Variants in PCDHA10 observed in about 807,000 individuals in gnomAD.
PCDHA10 encodes the protein protocadherin alpha-10.
Under a neutral mutation model 61.2 loss-of-function variants are expected in PCDHA10, and 45 were observed. The observed-to-expected ratio is 0.74, with a 90% CI of 0.58 to 0.94. The LOEUF (loss-of-function observed/expected upper bound fraction) is 0.94. Ranked by LOEUF, PCDHA10 falls within the 40% of genes least tolerant of loss-of-function variation. PCDHA10 has a pLI of 0.00. For missense variants in PCDHA10, 1,278 were observed against 1,236.2 expected, an observed-to-expected ratio of 1.03 and a Z score of -0.51; for synonymous variants, 602 against 548.8, an observed-to-expected ratio of 1.10 and a Z score of -1.35.
intron 1 of PCDHA10, chr5:140,876,735 T>C (rs782576636): frequency 2.0e-5 from 33 of 1,614,084 alleles, no homozygotes; most frequent in Non-Finnish European, 2.7e-5. Context: ...TGTCGGCCTA[T>C]GAGCTGGTGG....
intron 1 of PCDHA10, chr5:140,884,124 G>C: frequency 6.2e-7 from 1 of 1,613,344 alleles, no homozygotes; most frequent in Non-Finnish European, 8.5e-7. Flanking sequence ...GTCGGCGCGC[G>C]CATCCCGTTC....
intron 1 of PCDHA10, among the ~76,000 whole-genome samples, chr5:140,921,258 G>C (rs537231615): frequency 6.6e-6 from 1 of 151,824 alleles, no homozygotes; most frequent in South Asian, 2.1e-4. Flanking sequence ...AAAAGTCCTA[G>C]ACTTTTATAC....
chr5:140,953,542 A>G (rs2094901319), intron 1 of PCDHA10, among the ~76,000 whole-genome samples: 1 of 152,080 alleles, frequency 6.6e-6, no homozygotes, highest in Admixed American at 6.6e-5. Flanking sequence ...CTTCATGCTG[A>G]TTCTTTTCTC....
chr5:140,965,435 T>C (rs1327952223), intron 1 of PCDHA10, among the ~76,000 whole-genome samples: 1 of 151,992 alleles, frequency 6.6e-6, no homozygotes, highest in Non-Finnish European at 1.5e-5. Context: ...CTGCAGTCAT[T>C]GAAATTGCTG....
At chr5:140,958,953 T>A (rs1489065015) in intron 1 of PCDHA10, among the ~76,000 whole-genome samples, 2 of 144,196 alleles carry the variant, frequency 1.4e-5, no homozygotes, top group Non-Finnish European at 3.1e-5. Flanking sequence ...ATTATATTAT[T>A]ATAATTGTTC....
At chr5:140,982,025 C>A (rs1191670248) in intron 2 of PCDHA10, among the ~76,000 whole-genome samples, 1 of 152,180 alleles carries the variant, frequency 6.6e-6, no homozygotes, top group Non-Finnish European at 1.5e-5. Flanking sequence ...CAAATTGGAA[C>A]AATACTCCAA....
At chr5:140,877,041 A>G (rs782570873) in intron 1 of PCDHA10, 15 of 1,612,586 alleles carry the variant, frequency 9.3e-6, no homozygotes, top group African/African-American at 4.0e-5. Context: ...TGCAGCCGCT[A>G]GACCACGAGG....
At chr5:140,968,781 C>G in intron 1 of PCDHA10, 1 of 1,614,182 alleles carries the variant, frequency 6.2e-7, no homozygotes. Context: ...TCACTATCAG[C>G]CTCTGTGGCC....
At chr5:140,985,982 G>A (rs1380609067) in intron 3 of PCDHA10, among the ~76,000 whole-genome samples, 3 of 151,940 alleles carry the variant, frequency 2.0e-5, no homozygotes, top group East Asian at 1.9e-4. Flanking sequence ...CTCGTGATCC[G>A]CCCACCTCAG....
chr5:140,875,306 C>T, intron 1 of PCDHA10: 1 of 1,420,166 alleles, frequency 7.0e-7, no homozygotes, highest in Admixed American at 2.9e-5. Context: ...TTCTCCGCAC[C>T]CACATTCCAA....
At chr5:140,871,376 G>C in intron 1 of PCDHA10, 1 of 1,614,196 alleles carries the variant, frequency 6.2e-7, no homozygotes, top group Non-Finnish European at 8.5e-7. Flanking sequence ...CAGAGGGTGT[G>C]CTCTGAGGAG....
rs1056248774 is a variant in PCDHA10, at chr5:140,862,628, G to A, written c.2388+4192G>A. On this transcript the variant is annotated intron_variant, in intron 1 of 3. Coordinates refer to ENST00000307360, the MANE Select transcript of PCDHA10 (RefSeq NM_018901.4). The stretch of plus-strand genomic sequence containing the variant: ...GTGAAAGGTAACAACCCGCGGGGCT[G>A]CCACGACTTCACAGTGTCCGCGCGG... The A allele has an allele frequency of 9.4e-6, 5 of 534,028 alleles. No individual in the cohort carries two copies. In the Admixed American group the frequency reaches 9.7e-5, roughly 10 times the overall value. 33.1% of individuals were successfully genotyped at this position (534,028 alleles called of 1,614,324 possible). A position where few individuals can be genotyped will look rare whatever the true frequency, so the allele number is the denominator to read the frequency against.
chr5:140,883,256 A>G, intron 1 of PCDHA10: 2 of 1,614,146 alleles, frequency 1.2e-6, no homozygotes, highest in Non-Finnish European at 1.7e-6. Flanking sequence ...AAATATTCCA[A>G]TGGCGGGTCA....
intron 1 of PCDHA10, among the ~76,000 whole-genome samples, chr5:140,970,178 A>T (rs1190328996): frequency 6.6e-6 from 1 of 152,214 alleles, no homozygotes; most frequent in East Asian, 1.9e-4. Context: ...GCATACTCTG[A>T]ATTCATTGTA....
intron 3 of PCDHA10, among the ~76,000 whole-genome samples, chr5:141,006,959 A>G (rs2098296620): frequency 6.6e-6 from 1 of 152,142 alleles, no homozygotes; most frequent in East Asian, 1.9e-4. Context: ...GTTATACATG[A>G]GATTGGAGCA....
intron 1 of PCDHA10, among the ~76,000 whole-genome samples, chr5:140,963,991 A>G (rs1232646749): frequency 1.3e-5 from 2 of 152,190 alleles, no homozygotes; most frequent in Admixed American, 6.5e-5. Context: ...ATTCCTAATT[A>G]CTGTGTTCTA....
chr5:140,968,317 A>G (rs144335538), intron 1 of PCDHA10: 1 of 1,613,890 alleles, frequency 6.2e-7, no homozygotes, highest in African/African-American at 1.3e-5. Context: ...AAGGGCTGCC[A>G]GTCACCTCCT....
intron 1 of PCDHA10, among the ~76,000 whole-genome samples, chr5:140,948,999 ATT>A (rs782571922): frequency 1.3e-5 from 2 of 151,708 alleles, no homozygotes; most frequent in Non-Finnish European, 3.0e-5. Flanking sequence ...CATTTTACTA[ATT>A]TTTATATGTG....
Position 140,917,327 on chromosome 5 carries a change from G to A in PCDHA10, c.2388+58891G>A, listed in dbSNP as rs1219338384. ...TTACAATTTGGTGTTCATGTGGCGG[G>A]GGAGGGGGGGGATGGTGTAGGCTTC... On this transcript the variant is annotated intron_variant, in intron 1 of 3. Coordinates refer to ENST00000307360, the MANE Select transcript of PCDHA10 (RefSeq NM_018901.4). Among the ~76,000 whole-genome samples, 73 of 149,528 alleles carry A rather than the reference G, an allele frequency of 4.9e-4. 3 individuals carry two copies. Among genetic ancestry groups the A allele is most frequent in the African/African-American group, 1.3e-3 (54 of 40,384 alleles).
Sources: gnomAD v4.1 joint callset for allele counts (sites outside exome capture counted in the v4.1 genomes callset) on GRCh38, gnomAD v4.1.1 for gene constraint, MANE v1.5 for transcripts, NCBI Gene and HGNC (gene_info 2026-07-23, HGNC 2026-07-21) for gene names.